The following EDIL3 variants were observed in gnomAD, a reference collection of about 807,000 sequenced individuals.
EDIL3 encodes EGF-like repeat and discoidin I-like domain-containing protein 3.
Under a neutral mutation model 67.4 loss-of-function variants are expected in EDIL3, and 37 were observed. The observed-to-expected ratio is 0.55, with a 90% CI of 0.42 to 0.72. The LOEUF (loss-of-function observed/expected upper bound fraction) is 0.72. Among genes scored for constraint, EDIL3 ranks in the 30% least tolerant of loss-of-function variants. The pLI is 0.00. For missense variants in EDIL3, 527 were observed against 586.3 expected (o/e 0.90, Z 1.04); for synonymous variants, 195 against 196.3 (o/e 0.99, Z 0.05).
chr5:84,289,876 A>G (rs1042621396), intron 1 of EDIL3, among the ~76,000 whole-genome samples: 5 of 152,220 alleles, frequency 3.3e-5, no homozygotes, highest in African/African-American at 1.2e-4. Context: ...TGTTAATGAA[A>G]TGAAAACATT....
chr5:84,215,430 T>C (rs191239668), intron 3 of EDIL3, among the ~76,000 whole-genome samples: 1 of 152,106 alleles, frequency 6.6e-6, no homozygotes, highest in South Asian at 2.1e-4. Context: ...ATTTTTTGTA[T>C]TTTAGTAGAG....
intron 4 of EDIL3, among the ~76,000 whole-genome samples, chr5:84,167,807 G>A (rs1490175238): frequency 6.6e-6 from 1 of 152,068 alleles, no homozygotes; most frequent in Non-Finnish European, 1.5e-5. Flanking sequence ...AGAAGGAATG[G>A]AAGTTTAAGT....
intron 9 of EDIL3, among the ~76,000 whole-genome samples, chr5:84,047,370 G>C (rs1020989712): frequency 1.3e-5 from 2 of 152,060 alleles, no homozygotes; most frequent in African/African-American, 4.8e-5. Context: ...AGAGATGTAA[G>C]ATACTAAACC....
chr5:84,290,465 G>A (rs1745892296), intron 1 of EDIL3, among the ~76,000 whole-genome samples: 1 of 152,092 alleles, frequency 6.6e-6, no homozygotes, highest in African/African-American at 2.4e-5. Context: ...CTGTGCTACC[G>A]AACGTTGGCA....
intron 6 of EDIL3, among the ~76,000 whole-genome samples, chr5:84,069,669 T>A (rs529350275): frequency 6.6e-6 from 1 of 152,158 alleles, no homozygotes; most frequent in Admixed American, 6.5e-5. Flanking sequence ...AAGCCGATAA[T>A]CATAACGATA....
At chr5:84,009,927 G>A (rs1745487972) in intron 9 of EDIL3, among the ~76,000 whole-genome samples, 1 of 152,186 alleles carries the variant, frequency 6.6e-6, no homozygotes, top group African/African-American at 2.4e-5. Context: ...ATTAAGGCAA[G>A]TTGCCTGCAA....
intron 1 of EDIL3, among the ~76,000 whole-genome samples, chr5:84,355,466 C>T (rs1453014084): frequency 6.6e-6 from 1 of 152,078 alleles, no homozygotes; most frequent in Non-Finnish European, 1.5e-5. Flanking sequence ...TACCCACCTT[C>T]TGAAGCCTAC....
rs566030620 is a variant in EDIL3, at chr5:84,093,203, A to G, written c.651+13446T>C. Among the ~76,000 whole-genome samples, 7 of 150,848 alleles carry G rather than the reference A, an allele frequency of 4.6e-5. No homozygotes were observed. The South Asian group carries it at 1.5e-3, about 32-fold the overall frequency. On this transcript the variant is annotated intron_variant, in intron 6 of 10. Transcript: ENST00000296591. ...TCTTTCTCCTTTTTTTTTTTTGTTC[A>G]GTATTCCCTATTCTTCTATTAGTCA... is the stretch of plus-strand genomic sequence containing the variant.
At chr5:84,047,854 T>C (rs1479128521) in intron 9 of EDIL3, 1 of 152,588 alleles carries the variant, frequency 6.6e-6, no homozygotes, top group African/African-American at 2.4e-5. Context: ...GTATTTTCTG[T>C]ACAAATGTCC....
At chr5:84,337,735 AT>A (rs1747018900) in intron 1 of EDIL3, among the ~76,000 whole-genome samples, 1 of 152,184 alleles carries the variant, frequency 6.6e-6, no homozygotes, top group African/African-American at 2.4e-5. Flanking sequence ...ATCATGATAA[AT>A]GATGAATCAT....
At chr5:84,358,982 G>T (rs1337852187) in intron 1 of EDIL3, among the ~76,000 whole-genome samples, 3 of 152,050 alleles carry the variant, frequency 2.0e-5, no homozygotes, top group Admixed American at 2.0e-4. Flanking sequence ...CATTTGGGGG[G>T]AAGAAAGTAA....
intron 1 of EDIL3, among the ~76,000 whole-genome samples, chr5:84,267,996 G>A (rs1405499555): frequency 1.3e-5 from 2 of 152,106 alleles, no homozygotes; most frequent in Admixed American, 6.5e-5. Context: ...AGTTAGCTGG[G>A]CATGGCTGCG....
chr5:84,321,026 T>A (rs563712619), intron 1 of EDIL3, among the ~76,000 whole-genome samples: 1 of 152,298 alleles, frequency 6.6e-6, no homozygotes, highest in South Asian at 2.1e-4. Context: ...TGTTTTTTCT[T>A]TTTAACATGT....
chr5:84,017,104 A>G (rs555065716), intron 9 of EDIL3, among the ~76,000 whole-genome samples: 1 of 152,326 alleles, frequency 6.6e-6, no homozygotes, highest in African/African-American at 2.4e-5. Flanking sequence ...TTTAATGAAG[A>G]TCAATGCAGA....
At chr5:83,974,588 A>G (rs1744848529) in intron 9 of EDIL3, among the ~76,000 whole-genome samples, 2 of 152,036 alleles carry the variant, frequency 1.3e-5, no homozygotes, top group Non-Finnish European at 2.9e-5. Flanking sequence ...TGAGCATTAT[A>G]TTTGTATAAC....
rs147149050 is a variant in EDIL3, at chr5:84,060,471, A to C, written c.966T>G (p.Pro322=). 1.3e-3 allele frequency: 2,025 copies of C among 1,613,560 alleles called. 27 individuals are homozygous for C. In the African/African-American group the frequency reaches 0.025, roughly 20 times the overall value. Reference sequence around the variant, plus strand: ...GTATATGTCCTGATTTCATACCCAGAGGCTCAGAACAACCTGAAAGAAAAT... The same window carrying C: ...GTATATGTCCTGATTTCATACCCAGCGGCTCAGAACAACCTGAAAGAAAAT... ...LGCELSGCSE[P]LGMKSGHIQD... Residue 322 remains proline (P), a synonymous_variant, in exon 9 of 11, where the codon CCT becomes CCG. Coordinates refer to ENST00000296591, the MANE Select transcript of EDIL3 (RefSeq NM_005711.5).
chr5:84,265,524 A>C (rs1745329335), intron 1 of EDIL3, among the ~76,000 whole-genome samples: 1 of 152,262 alleles, frequency 6.6e-6, no homozygotes, highest in South Asian at 2.1e-4. Context: ...GAAATTTTGT[A>C]AAAAGTGAAT....
intron 5 of EDIL3, among the ~76,000 whole-genome samples, chr5:84,107,386 ATATTAT>A (rs968190594): frequency 6.6e-6 from 1 of 151,956 alleles, no homozygotes; most frequent in African/African-American, 2.4e-5. Context: ...ACATTTAAAA[ATATTAT>A]TATAATACCC....
At chr5:84,199,779 C>T (rs1743793200) in intron 3 of EDIL3, among the ~76,000 whole-genome samples, 1 of 151,802 alleles carries the variant, frequency 6.6e-6, no homozygotes, top group Non-Finnish European at 1.5e-5. Context: ...TAGTGGTGGG[C>T]AGTAAAAGGA....
Sources: allele counts gnomAD v4.1 joint callset (sites outside exome capture counted in the v4.1 genomes callset), GRCh38; gene constraint gnomAD v4.1.1; transcripts MANE v1.5; gene names NCBI Gene and HGNC (gene_info 2026-07-23, HGNC 2026-07-21).